The following ZNF385D variants were observed in gnomAD, a reference collection of about 807,000 sequenced individuals.
ZNF385D encodes the protein zinc finger protein 385D.
In ZNF385D, 15 loss-of-function variants were observed where a neutral mutation model predicts 35.8. The observed-to-expected ratio is 0.42, with a 90% CI of 0.28 to 0.64. The LOEUF (loss-of-function observed/expected upper bound fraction) is 0.64. ZNF385D is among the 30% of genes least tolerant of loss of function. The pLI, the probability that ZNF385D is intolerant of heterozygous loss-of-function variation, is 0.23. For missense variants in ZNF385D, 474 were observed against 494.6 expected (o/e 0.96, Z 0.39); for synonymous variants, 212 against 186.8 (o/e 1.13, Z -1.10).
At chr3:21,941,301 A>G (rs977845406) in intron 3 of ZNF385D, among the ~76,000 whole-genome samples, 8 of 150,286 alleles carry the variant, frequency 5.3e-5, no homozygotes, top group East Asian at 2.0e-4. Context: ...ATACCAATAC[A>G]TTCTCTGACA....
At chr3:22,265,106 CCCAGTACT>C (rs1313400415) in intron 2 of ZNF385D, among the ~76,000 whole-genome samples, 1 of 151,756 alleles carries the variant, frequency 6.6e-6, no homozygotes, top group Non-Finnish European at 1.5e-5. Flanking sequence ...GGAGATCTGC[CCCAGTACT>C]CAAGGAGTTT....
At chr3:22,327,287 A>G (rs1694723080) in intron 2 of ZNF385D, among the ~76,000 whole-genome samples, 4 of 152,208 alleles carry the variant, frequency 2.6e-5, no homozygotes, top group Admixed American at 2.6e-4. Context: ...CAAAAAGAGT[A>G]AAAAGAATAT....
chr3:21,647,405 C>G (rs979006688), intron 2 of ZNF385D, among the ~76,000 whole-genome samples: 2 of 150,840 alleles, frequency 1.3e-5, no homozygotes, highest in African/African-American at 2.4e-5. Flanking sequence ...TTCTTCTCTC[C>G]CTCTTTTCCT....
In ZNF385D at chr3:21,419,968, T is replaced by C. The variant is rs1700667786; in HGVS notation, c.*1246A>G. 6.6e-6 allele frequency: 1 copy of C among 152,116 alleles called. No homozygotes were observed. The highest frequency in any genetic ancestry group is 6.5e-5 in the Admixed American group (1 of 15,272). 9.4% of individuals were successfully genotyped at this position (152,116 alleles called of 1,614,324 possible). ...GGCTCTCAGTATTTCACAACTCCAC[T>C]GGAGAAATAATTGTCGAGTGGAACT... is the stretch of plus-strand genomic sequence containing the variant. On this transcript the variant is annotated 3_prime_UTR_variant, in exon 8 of 8. Coordinates refer to ENST00000281523, the MANE Select transcript of ZNF385D (RefSeq NM_024697.3).
In ZNF385D at chr3:21,608,012, C is replaced by CTTTTTTTTTTT. The variant is rs368555930; in HGVS notation, c.166-43329_166-43328insAAAAAAAAAAA. 1.9e-3 allele frequency among the ~76,000 whole-genome samples: 229 copies of CTTTTTTTTTTT among 123,566 alleles called. 2 individuals carry two copies. The highest frequency in any genetic ancestry group is 4.6e-3 in the Middle Eastern group (1 of 218). The allele number at this position is 123,566 out of a possible 152,430, so 81.1% of individuals were successfully genotyped here. ...ATGAAAAGATGTAATTCTTTTTCTTCTTTTTTTTTTGTTTTTTTTTTTTGA... is the reference window on the plus strand; with the variant it reads ...ATGAAAAGATGTAATTCTTTTTCTTCTTTTTTTTTTTTTTTTTTTTTGTTTTTTTTTTTTGA... On this transcript the variant is annotated intron_variant, in intron 2 of 7. Transcript: ENST00000281523.
intron 7 of ZNF385D, among the ~76,000 whole-genome samples, chr3:21,423,081 G>T (rs1470319287): frequency 6.6e-6 from 1 of 152,158 alleles, no homozygotes; most frequent in African/African-American, 2.4e-5. Flanking sequence ...CCTATATCTA[G>T]AAAAATCTAT....
intron 2 of ZNF385D, among the ~76,000 whole-genome samples, chr3:22,228,037 T>C (rs746045744): frequency 6.6e-6 from 1 of 152,146 alleles, no homozygotes; most frequent in Non-Finnish European, 1.5e-5. Flanking sequence ...TTTGCCTGTC[T>C]GCATCATCCC....
At chr3:22,306,076 G>A (rs531548847) in intron 2 of ZNF385D, among the ~76,000 whole-genome samples, 1 of 152,050 alleles carries the variant, frequency 6.6e-6, no homozygotes, top group Admixed American at 6.6e-5. Context: ...CTTGTGGAAG[G>A]GCAAGAAAAC....
chr3:21,661,576 A>C (rs921826162), intron 2 of ZNF385D, among the ~76,000 whole-genome samples: 2 of 152,214 alleles, frequency 1.3e-5, no homozygotes, highest in African/African-American at 4.8e-5. Context: ...CTGGGATCAG[A>C]ATATTTTTAA....
At chr3:21,634,091 G>A (rs1289930325) in intron 2 of ZNF385D, among the ~76,000 whole-genome samples, 1 of 151,890 alleles carries the variant, frequency 6.6e-6, no homozygotes, top group East Asian at 1.9e-4. Context: ...CAGCTACTAG[G>A]GAGGCTGAAG....
chr3:21,664,835 A>T, intron 2 of ZNF385D, 51 bp downstream of exon 2: 1 of 1,611,732 alleles, frequency 6.2e-7, no homozygotes, highest in Non-Finnish European at 8.5e-7. Context: ...CCTTTAAGTT[A>T]GTTTTCCAAT....
chr3:21,703,817 C>T (rs2067792364), intron 1 of ZNF385D, among the ~76,000 whole-genome samples: 1 of 152,072 alleles, frequency 6.6e-6, no homozygotes, highest in Non-Finnish European at 1.5e-5. Flanking sequence ...TTAAACTGAG[C>T]CCAGGCACTT....
chr3:21,519,732 C>A lies in ZNF385D; in HGVS notation c.277-8709G>T, dbSNP rs572832371. ...TCTAGTGACAGAAGCACAAAAATTT[C>A]AAGTTTGTACAAAACTGAGAAAAAT... On this transcript the variant is annotated intron_variant, in intron 3 of 7. Coordinates refer to ENST00000281523, the MANE Select transcript of ZNF385D (RefSeq NM_024697.3). Among the ~76,000 whole-genome samples the A allele has an allele frequency of 1.2e-4, 18 of 152,270 alleles. No homozygotes were observed. In the South Asian group the frequency reaches 3.7e-3, roughly 32 times the overall value.
chr3:21,505,444 G>A (rs985847460), intron 4 of ZNF385D, among the ~76,000 whole-genome samples: 1 of 151,988 alleles, frequency 6.6e-6, no homozygotes, highest in Non-Finnish European at 1.5e-5. Context: ...CAAAGTTTAA[G>A]GCACACACCC....
chr3:22,166,860 C>T (rs902818369), intron 3 of ZNF385D, among the ~76,000 whole-genome samples: 8 of 152,148 alleles, frequency 5.3e-5, no homozygotes, highest in Admixed American at 1.3e-4. Flanking sequence ...TGAAGTATAA[C>T]GCCAAAGCTT....
At chr3:22,172,662 G>A (rs1318991036) in intron 2 of ZNF385D, among the ~76,000 whole-genome samples, 1 of 152,066 alleles carries the variant, frequency 6.6e-6, no homozygotes, top group African/African-American at 2.4e-5. Context: ...AGACACAGAA[G>A]CCAACTGAAA....
At position 22,300,822 on chromosome 3, in the gene ZNF385D, T is replaced by C. The variant is rs573413884; in HGVS notation, c.106+71628A>G. 2.0e-5 allele frequency among the ~76,000 whole-genome samples: 3 copies of C among 152,120 alleles called. No homozygotes were observed. The East Asian group carries it at 5.8e-4, about 29-fold the overall frequency. ...AATAACATGGAAAAAAGGGAATCCATGTGCAATTTTGATGGGAATATAAAT... is the reference window on the plus strand; with the variant it reads ...AATAACATGGAAAAAAGGGAATCCACGTGCAATTTTGATGGGAATATAAAT... On this transcript the variant is annotated intron_variant, in intron 2 of 5. Transcript: ENST00000494108.
intron 3 of ZNF385D, among the ~76,000 whole-genome samples, chr3:22,132,414 T>A (rs1703856503): frequency 6.6e-6 from 1 of 152,124 alleles, no homozygotes; most frequent in African/African-American, 2.4e-5. Context: ...TCTACCCAGT[T>A]TATGATATTT....
chr3:22,153,984 A>G (rs73821309), intron 3 of ZNF385D, among the ~76,000 whole-genome samples: 81 of 152,266 alleles, frequency 5.3e-4, no homozygotes, highest in African/African-American at 1.9e-3. Context: ...TAGATAACTC[A>G]TCACCTTTAG....
Sources: allele counts gnomAD v4.1 joint callset (sites outside exome capture counted in the v4.1 genomes callset), GRCh38; gene constraint gnomAD v4.1.1; transcripts MANE v1.5; gene names NCBI Gene and HGNC (gene_info 2026-07-23, HGNC 2026-07-21).